Variants in POR observed in about 807,000 individuals in gnomAD.
The protein encoded by POR is cytochrome p450 oxidoreductase, also known as NADPH--cytochrome P450 reductase.
In POR, 56 loss-of-function variants were observed where a neutral mutation model predicts 84.0. The ratio of observed to expected loss-of-function variants is 0.67; its 90% CI spans 0.54 to 0.83. The LOEUF is 0.83. Ranked by LOEUF, POR falls within the 40% of genes least tolerant of loss-of-function variation. The probability of loss-of-function intolerance (pLI) is 0.00; values close to 1 mark genes in which losing one functional copy is unlikely to be tolerated. For synonymous variants in POR, 414 were observed against 400.5 expected, an observed-to-expected ratio of 1.03 and a Z score of -0.40; for missense variants, 938 against 944.3, an observed-to-expected ratio of 0.99 and a Z score of 0.09.
intron 1 of POR, among the ~76,000 whole-genome samples, chr7:75,926,593 C>T (rs1392454822): frequency 1.3e-5 from 2 of 151,918 alleles, no homozygotes; most frequent in Admixed American, 6.6e-5. Flanking sequence ...GTCGCGAGTT[C>T]GAGACCGGCC....
At chr7:75,926,090 C>T (rs1190842507) in intron 1 of POR, among the ~76,000 whole-genome samples, 2 of 143,656 alleles carry the variant, frequency 1.4e-5, no homozygotes, top group Non-Finnish European at 3.0e-5. Context: ...GATCATTGCT[C>T]ACTGCAGTCT....
intron 2 of POR, among the ~76,000 whole-genome samples, chr7:75,959,084 A>G (rs1787817498): frequency 6.6e-6 from 1 of 152,180 alleles, no homozygotes; most frequent in South Asian, 2.1e-4. Flanking sequence ...TATTTTACAG[A>G]GCAGGAAGTT....
rs201598971 is a variant in POR, at chr7:75,982,305, C to T, written c.813C>T (p.Ser271=). The T allele has an allele frequency of 3.1e-5, 50 of 1,611,900 alleles. No individual in the cohort carries two copies. The African/African-American group carries it at 6.3e-4, about 20-fold the overall frequency. Reference sequence around the variant, plus strand: ...TGGGGGAGATGGGCCGGCTGAAGAGCTACGAGAACCAGAAGCCGTGAGTGG... The same window carrying T: ...TGGGGGAGATGGGCCGGCTGAAGAGTTACGAGAACCAGAAGCCGTGAGTGG... The change falls in exon 8 of 16, where the codon AGC becomes AGT. Residue 271 remains serine, a synonymous_variant. Coordinates refer to ENST00000461988, the MANE Select transcript of POR (RefSeq NM_000941.3).
At chr7:75,953,174 T>G (rs1277501660) in intron 1 of POR, among the ~76,000 whole-genome samples, 2 of 151,626 alleles carry the variant, frequency 1.3e-5, no homozygotes, top group Non-Finnish European at 2.9e-5. Flanking sequence ...CGAGAACCAG[T>G]CAGGCGTGGC....
intron 1 of POR, chr7:75,915,619 G>A (rs1806519891): frequency 6.6e-6 from 1 of 152,286 alleles, no homozygotes; most frequent in South Asian, 2.1e-4. Context: ...AACGTGAGAG[G>A]CGCTCGATGC....
intron 4 of POR, among the ~76,000 whole-genome samples, chr7:75,979,992 G>C (rs1288172038): frequency 3.9e-5 from 6 of 152,222 alleles, no homozygotes; most frequent in South Asian, 2.1e-4. Flanking sequence ...GTGCACCGGG[G>C]CTGTGCGGTG....
At position 75,986,652 on chromosome 7, in the gene POR, G is replaced by C. The variant is rs1789494953; in HGVS notation, c.*171G>C. On this transcript the variant is annotated 3_prime_UTR_variant, in exon 16 of 16. Transcript: ENST00000461988. ...CCTCCTCAGCCCCCAGGCCAGGTGA[G>C]GTCCACCGGCCCCTGGCAGCACAGC... 52 of 814,534 alleles carry C rather than the reference G, an allele frequency of 6.4e-5. No individual in the cohort carries two copies. In the South Asian group the frequency reaches 8.5e-4, roughly 13 times the overall value. The allele number at this position is 814,534 out of a possible 1,614,324, so 50.5% of individuals were successfully genotyped here. A position where few individuals can be genotyped will look rare whatever the true frequency, so the allele number is the denominator to read the frequency against.
At position 75,954,194 on chromosome 7, in the gene POR, C is replaced by T. The variant is rs782732748; in HGVS notation, c.188+14C>T. 4.4e-6 allele frequency: 7 copies of T among 1,593,132 alleles called. No homozygotes were observed. Among genetic ancestry groups the T allele is most frequent in the Non-Finnish European group, 5.1e-6 (6 of 1,166,198 alleles). On this transcript the variant is annotated intron_variant, in intron 2 of 15. Transcript: ENST00000461988. ...AATTCAGACATTGTAAGTGCCGCCTCTCAGCCTCCTCTCTCTGTCCCTCTT... is the reference window on the plus strand; with the variant it reads ...AATTCAGACATTGTAAGTGCCGCCTTTCAGCCTCCTCTCTCTGTCCCTCTT...
At chr7:75,929,345 C>T (rs547258799) in intron 1 of POR, among the ~76,000 whole-genome samples, 1 of 152,264 alleles carries the variant, frequency 6.6e-6, no homozygotes, top group Admixed American at 6.5e-5. Context: ...CTCAGCGCAA[C>T]CTCCGCCTCC....
In POR at chr7:75,985,744, C is replaced by T. The variant is rs782533830; in HGVS notation, c.1564C>T (p.Arg522Cys). Residue 522 changes from arginine (R) to cysteine (C), a missense_variant, in exon 13 of 16, where the codon CGC becomes TGC. Arg to Cys is a radical substitution (Grantham distance 180). Coordinates refer to ENST00000461988, the MANE Select transcript of POR (RefSeq NM_000941.3). ...CATGTTCGTGCGCAAGTCCCAGTTC[C>T]GCCTGCCCTTCAAGGCCACCACGCC... 4.1e-5 allele frequency: 65 copies of T among 1,585,256 alleles called. No homozygotes were observed. In the Middle Eastern group the frequency reaches 5.0e-4, roughly 12 times the overall value.
At chr7:75,950,395 A>T (rs1554552585) in intron 1 of POR, among the ~76,000 whole-genome samples, 1 of 152,122 alleles carries the variant, frequency 6.6e-6, no homozygotes, top group Non-Finnish European at 1.5e-5. Context: ...AAATGAGGGG[A>T]CCGGTCACTT....
chr7:75,979,733 C>T, intron 4 of POR, 154 bp downstream of exon 4: 1 of 1,057,358 alleles, frequency 9.5e-7, no homozygotes, highest in Non-Finnish European at 1.3e-6. Flanking sequence ...TCATTGCCAT[C>T]CCTGCCCGGG....
rs1263205867 is a variant in POR, at chr7:75,985,894, C to T, written c.1670-29C>T. 3 of 1,560,654 alleles carry T rather than the reference C, an allele frequency of 1.9e-6. No individual in the cohort carries two copies. In the African/African-American group the frequency reaches 4.1e-5, roughly 21 times the overall value. ...GGAGAGGGGGTGACGACTGGGAGCC[C>T]CGCGCTCACCCCGGCCCCTGCCACG... is the stretch of plus-strand genomic sequence containing the variant. On this transcript the variant is annotated intron_variant, in intron 13 of 15. Coordinates refer to ENST00000461988, the MANE Select transcript of POR (RefSeq NM_000941.3).
intron 2 of POR, among the ~76,000 whole-genome samples, chr7:75,967,354 C>T (rs1296496316): frequency 2.6e-5 from 4 of 152,156 alleles, no homozygotes; most frequent in Non-Finnish European, 4.4e-5. Flanking sequence ...CCACTGCAAA[C>T]GGAGCCCACC....
chr7:75,960,945 G>A (rs2116464161), intron 2 of POR, among the ~76,000 whole-genome samples: 1 of 152,250 alleles, frequency 6.6e-6, no homozygotes, highest in East Asian at 1.9e-4. Context: ...AAGTGTGGCA[G>A]TATCAGGCCC....
At chr7:75,981,795 C>A in intron 7 of POR, 189 bp downstream of exon 7, 1 of 597,070 alleles carries the variant, frequency 1.7e-6, no homozygotes, top group Non-Finnish European at 2.9e-6. Flanking sequence ...CCTGGGGCAG[C>A]GGGGTGCATC....
chr7:75,985,801 G>GC lies in POR; in HGVS notation c.1622dup (p.Pro542ThrfsTer33), dbSNP rs1563435595. The GC allele has an allele frequency of 1.1e-5, 18 of 1,565,654 alleles. No individual in the cohort carries two copies. Among genetic ancestry groups the GC allele is most frequent in the Non-Finnish European group, 1.6e-5 (18 of 1,155,474 alleles). On this transcript the variant is annotated frameshift_variant, in exon 13 of 16. Transcript: ENST00000461988. LOFTEE classifies it high-confidence loss of function. Reference sequence around the variant, plus strand: ...CATGGTGGGCCCCGGCACCGGGGTGGCACCCTTCATAGGCTTCATCCAGGA... The same window carrying GC: ...CATGGTGGGCCCCGGCACCGGGGTGGCCACCCTTCATAGGCTTCATCCAGGA...
intron 4 of POR, 39 bp from the exon 5 acceptor site, chr7:75,980,298 TCA>T (rs1554557494): frequency 1.3e-6 from 2 of 1,594,708 alleles, no homozygotes; most frequent in Admixed American, 1.7e-5. Flanking sequence ...TTGAACAGGC[TCA>T]GTCATGGCCG....
At chr7:75,952,875 C>T (rs1490525242) in intron 1 of POR, among the ~76,000 whole-genome samples, 3 of 146,042 alleles carry the variant, frequency 2.1e-5, no homozygotes, top group Non-Finnish European at 4.5e-5. Context: ...ACATCCCAGA[C>T]GATGGGCAGC....
Sources: allele counts gnomAD v4.1 joint callset (sites outside exome capture counted in the v4.1 genomes callset), GRCh38; gene constraint gnomAD v4.1.1; transcripts MANE v1.5; gene names NCBI Gene and HGNC (gene_info 2026-07-23, HGNC 2026-07-21).